Variants in PFDN2 observed in about 807,000 individuals in gnomAD.
The protein encoded by PFDN2 is prefoldin 2.
In PFDN2, 7 loss-of-function variants were observed where a neutral mutation model predicts 18.3. The ratio of observed to expected loss-of-function variants is 0.38; its 90% confidence interval spans 0.22 to 0.72. The LOEUF is 0.72. Among genes scored for constraint, PFDN2 ranks in the 30% least tolerant of loss-of-function variants. The pLI, the probability that PFDN2 is intolerant of heterozygous loss-of-function variation, is 0.47. For missense variants in PFDN2, 181 were observed against 199.1 expected, an observed-to-expected ratio of 0.91 and a Z score of 0.55; for synonymous variants, 76 against 75.0, an observed-to-expected ratio of 1.01 and a Z score of -0.07.
Position 161,100,679 on chromosome 1 carries a change from G to A in PFDN2, c.*4C>T. ...GGTAGAAAAAAATGCAAAGGCCTTGGTCCCTAGGAGACCAACACTCCAGCT... is the reference window on the plus strand; with the variant it reads ...GGTAGAAAAAAATGCAAAGGCCTTGATCCCTAGGAGACCAACACTCCAGCT... On this transcript the variant is annotated 3_prime_UTR_variant, in exon 4 of 4. Transcript: ENST00000368010. 2 of 1,605,740 alleles carry A rather than the reference G, an allele frequency of 1.2e-6. No homozygotes were observed. Among genetic ancestry groups the A allele is most frequent in the Non-Finnish European group, 8.5e-7 (1 of 1,175,636 alleles).
intron 1 of PFDN2, among the ~76,000 whole-genome samples, chr1:161,102,940 G>A (rs1654601479): frequency 6.7e-6 from 1 of 149,470 alleles, no homozygotes; most frequent in Non-Finnish European, 1.5e-5. Context: ...CCTGGCGACA[G>A]AGCGAAACTC....
At position 161,117,914 on chromosome 1, in the gene PFDN2, C is replaced by T. The variant is rs773076601; in HGVS notation, c.75+38G>A. ...CCCCCTTCTCGCTAGTATTCCAGAC[C>T]CAGGTGGGTACCCTGCTTCGCGTTA... On this transcript the variant is annotated intron_variant, in intron 1 of 3. Coordinates refer to ENST00000368010, the MANE Select transcript of PFDN2 (RefSeq NM_012394.4). The T allele has an allele frequency of 1.8e-5, 28 of 1,554,788 alleles. No homozygotes were observed. The Middle Eastern group carries it at 2.4e-3, about 133-fold the overall frequency.
chr1:161,106,109 C>A (rs1654671430), intron 1 of PFDN2, among the ~76,000 whole-genome samples: 1 of 152,108 alleles, frequency 6.6e-6, no homozygotes, highest in South Asian at 2.1e-4. Flanking sequence ...TGAGTTCACA[C>A]AAGATCTGGT....
At chr1:161,117,829 C>T in intron 1 of PFDN2, 123 bp downstream of exon 1, 2 of 897,720 alleles carry the variant, frequency 2.2e-6, no homozygotes, top group African/African-American at 1.7e-5. Flanking sequence ...GGGGACCCTT[C>T]CCTCTCTAGG....
intron 1 of PFDN2, among the ~76,000 whole-genome samples, chr1:161,109,447 C>G (rs1302577151): frequency 6.6e-6 from 1 of 152,110 alleles, no homozygotes; most frequent in East Asian, 1.9e-4. Flanking sequence ...ATGCAGACTG[C>G]CTTCTATTCT....
rs150252613 is a variant in PFDN2 at position 161,112,216 on chromosome 1, A to G, written c.75+5736T>C. On this transcript the variant is annotated intron_variant, in intron 1 of 3. Transcript: ENST00000368010. ...ACCTGCCTCACAGAATGTTGTAAGGATTAAGTAATTACATCAAGAACTTAG... is the reference window on the plus strand; with the variant it reads ...ACCTGCCTCACAGAATGTTGTAAGGGTTAAGTAATTACATCAAGAACTTAG... Among the ~76,000 whole-genome samples, 156 of 152,360 alleles carry G rather than the reference A, an allele frequency of 1.0e-3. 3 individuals carry two copies. The East Asian group carries it at 0.028, about 27-fold the overall frequency.
At chr1:161,111,826 TTTTA>T (rs1238440717) in intron 1 of PFDN2, among the ~76,000 whole-genome samples, 1 of 152,258 alleles carries the variant, frequency 6.6e-6, no homozygotes, top group East Asian at 1.9e-4. Context: ...TGAAATTATT[TTTTA>T]TTGATTCATA....
intron 1 of PFDN2, among the ~76,000 whole-genome samples, chr1:161,103,683 C>CATAAAAA (rs1654622164): frequency 1.3e-5 from 1 of 74,914 alleles, no homozygotes; most frequent in Non-Finnish European, 2.5e-5. Flanking sequence ...GACTCCGTCT[C>CATAAAAA]AAAAAAAAAA....
In PFDN2 at chr1:161,112,192, C is replaced by A. The variant is rs550411145; in HGVS notation, c.75+5760G>T. ...CTTCACCAATAAAATACAGATAATA[C>A]CTGCCTCACAGAATGTTGTAAGGAT... On this transcript the variant is annotated intron_variant, in intron 1 of 3. Coordinates refer to ENST00000368010, the MANE Select transcript of PFDN2 (RefSeq NM_012394.4). Among the ~76,000 whole-genome samples the A allele has an allele frequency of 3.9e-4, 59 of 152,264 alleles. 1 individual carries two copies. The highest frequency in any genetic ancestry group is 1.9e-3 in the Admixed American group (29 of 15,286).
In PFDN2 at chr1:161,117,979, C is replaced by G. The variant is rs1272510413; in HGVS notation, c.48G>C (p.Ala16=). The G allele has an allele frequency of 1.2e-6, 2 of 1,612,872 alleles. No homozygotes were observed. Among genetic ancestry groups the G allele is most frequent in the South Asian group, 1.1e-5 (1 of 90,946 alleles). The stretch of plus-strand genomic sequence containing the variant: ...GCTCTGCGGACACCGCCCCCTTCCC[C>G]GCGCCGCTCCCGCTGCTCTTGCCGG... ...GRAGKSSGSG[A]GKGAVSAEQV... is the part of the protein sequence containing the mutation. The change falls in exon 1 of 4, where the codon GCG becomes GCC. Residue 16 remains alanine (A), a synonymous_variant. Transcript: ENST00000368010.
In PFDN2 at chr1:161,100,658, G is replaced by GA. The variant is rs1395700614; in HGVS notation, c.*24dup. On this transcript the variant is annotated 3_prime_UTR_variant, in exon 4 of 4. Transcript: ENST00000368010. ...GAAATTAGAAGTGGGAGTCAGGGTA[G>GA]AAAAAAATGCAAAGGCCTTGGTCCC... 3.4e-6 allele frequency: 5 copies of GA among 1,492,284 alleles called. No homozygotes were observed. The East Asian group carries it at 6.9e-5, about 21-fold the overall frequency. The allele number at this position is 1,492,284 out of a possible 1,614,324, so 92.4% of individuals were successfully genotyped here.
In PFDN2 at chr1:161,113,856, T is replaced by C. The variant is rs116627391; in HGVS notation, c.75+4096A>G. ...TTCCATCTTGTTTGTAAGGGACATA[T>C]GTGGCTCAAATTTGCAGCAGTGATA... On this transcript the variant is annotated intron_variant, in intron 1 of 3. Transcript: ENST00000368010. Among the ~76,000 whole-genome samples the C allele has an allele frequency of 6.7e-3, 1,022 of 152,324 alleles. 9 individuals are homozygous for C. The highest frequency in any genetic ancestry group is 0.023 in the African/African-American group (950 of 41,578).
chr1:161,103,338 T>C lies in PFDN2; in HGVS notation c.76-963A>G, dbSNP rs895589467. Among the ~76,000 whole-genome samples the C allele has an allele frequency of 3.9e-5, 6 of 151,974 alleles. 1 individual carries two copies. The highest frequency in any genetic ancestry group is 1.5e-5 in the Non-Finnish European group (1 of 67,986). ...TTTGTTCAGTCTAGTTATTTAGCCT[T>C]CTTTTTCATTCTGTTCAATTCTGTG... On this transcript the variant is annotated intron_variant, in intron 1 of 3. Transcript: ENST00000368010.
chr1:161,105,319 T>G (rs1426791156), intron 1 of PFDN2, among the ~76,000 whole-genome samples: 1 of 152,126 alleles, frequency 6.6e-6, no homozygotes, highest in East Asian at 1.9e-4. Context: ...TCTCACCATG[T>G]TGCTCAGGCT....
intron 3 of PFDN2, among the ~76,000 whole-genome samples, 191 bp from the exon 4 acceptor site, chr1:161,101,050 G>A (rs1654546675): frequency 6.6e-6 from 1 of 152,008 alleles, no homozygotes; most frequent in Non-Finnish European, 1.5e-5. Flanking sequence ...GAATCACCTG[G>A]GCTGCTTATT....
intron 1 of PFDN2, among the ~76,000 whole-genome samples, chr1:161,117,650 G>A (rs1384369193): frequency 1.3e-5 from 2 of 152,158 alleles, no homozygotes; most frequent in African/African-American, 2.4e-5. Context: ...TGGAGAGGCT[G>A]AGGAGAGATA....
At chr1:161,102,493 G>A (rs1161976278) in intron 1 of PFDN2, 118 bp from the exon 2 acceptor site, 1 of 696,714 alleles carries the variant, frequency 1.4e-6, no homozygotes, top group African/African-American at 1.8e-5. Context: ...CTTGGAAAAG[G>A]AGTAGAACCA....
At chr1:161,113,507 G>A (rs542411880) in intron 1 of PFDN2, among the ~76,000 whole-genome samples, 3 of 152,338 alleles carry the variant, frequency 2.0e-5, no homozygotes, top group African/African-American at 7.2e-5. Context: ...CCTGAGCGGT[G>A]GCTCAGCTCA....
intron 1 of PFDN2, among the ~76,000 whole-genome samples, chr1:161,112,964 G>A (rs1251756345): frequency 6.6e-6 from 1 of 151,492 alleles, no homozygotes; most frequent in East Asian, 1.9e-4. Context: ...AAAGGAGGGG[G>A]GAAAAAATCT....
Sources: allele counts gnomAD v4.1 joint callset (sites outside exome capture counted in the v4.1 genomes callset), GRCh38; gene constraint gnomAD v4.1.1; transcripts MANE v1.5; gene names NCBI Gene and HGNC (gene_info 2026-07-23, HGNC 2026-07-21).